Variants in TUT4 observed in about 807,000 individuals in gnomAD.
The protein encoded by TUT4 is terminal uridylyl transferase 4, also known as terminal uridylyltransferase 4.
Under a neutral mutation model 192.2 loss-of-function variants are expected in TUT4, and 36 were observed. The ratio of observed to expected loss-of-function variants is 0.19; its 90% confidence interval spans 0.14 to 0.25. TUT4 has a LOEUF of 0.25. Among genes scored for constraint, TUT4 ranks in the 10% least tolerant of loss-of-function variants. TUT4 has a pLI of 1.00. For missense variants in TUT4, 1,493 were observed against 1,957.2 expected, an observed-to-expected ratio of 0.76 and a Z score of 4.47; for synonymous variants, 618 against 666.0, an observed-to-expected ratio of 0.93 and a Z score of 1.11.
At chr1:52,493,802 G>T in intron 6 of TUT4, 140 bp from the exon 7 acceptor site, 15 of 532,464 alleles carry the variant, frequency 2.8e-5, no homozygotes, top group South Asian at 4.3e-5. Flanking sequence ...ACAGAATCGT[G>T]TTTTTTTTTT....
intron 15 of TUT4, among the ~76,000 whole-genome samples, chr1:52,466,175 T>C (rs1477213885): frequency 2.0e-5 from 3 of 152,178 alleles, no homozygotes; most frequent in Admixed American, 6.5e-5. Context: ...AAAGAAGCTA[T>C]ACTCATCAGC....
chr1:52,495,619 C>T (rs1283556587), intron 5 of TUT4, 104 bp from the exon 6 acceptor site: 2 of 676,872 alleles, frequency 3.0e-6, no homozygotes, highest in Non-Finnish European at 4.9e-6. Flanking sequence ...CTACGTCTTC[C>T]ATTTCTAGTA....
intron 11 of TUT4, among the ~76,000 whole-genome samples, chr1:52,479,217 A>AG (rs1166838727): frequency 6.6e-6 from 1 of 152,206 alleles, no homozygotes; most frequent in East Asian, 1.9e-4. Flanking sequence ...GAGGAAAGAA[A>AG]GCAAAGAGCC....
intron 16 of TUT4, chr1:52,462,528 G>A (rs1159152221): frequency 1.1e-5 from 2 of 177,172 alleles, no homozygotes; most frequent in Non-Finnish European, 2.2e-5. Context: ...TGACTAACCA[G>A]ATGTTTAACC....
At position 52,538,737 on chromosome 1, in the gene TUT4, C is replaced by A. The variant is rs1256479722; in HGVS notation, c.-93-12364G>T. 1.3e-5 allele frequency: 2 copies of A among 151,140 alleles called. 1 individual carries two copies. The highest frequency in any genetic ancestry group is 4.9e-5 in the African/African-American group (2 of 41,182). 9.4% of individuals were successfully genotyped at this position (151,140 alleles called of 1,614,324 possible). On this transcript the variant is annotated intron_variant, in intron 1 of 29. Coordinates refer to ENST00000257177, the MANE Select transcript of TUT4 (RefSeq NM_001009881.3). The stretch of plus-strand genomic sequence containing the variant: ...GAATGATCAAAGAATCCTATCATAT[C>A]TTTCCTTACTAATATTACTTCCCTG...
In TUT4 at chr1:52,463,428, C is replaced by T. The variant is rs1429930876; in HGVS notation, c.3069+1642G>A. ...GACACCAGAAGCAACTTCTTATGGC[C>T]AGAAGTTAAGTCATCACTGCCATCT... On this transcript the variant is annotated intron_variant, in intron 16 of 29. Coordinates refer to ENST00000257177, the MANE Select transcript of TUT4 (RefSeq NM_001009881.3). 2.9e-6 allele frequency: 3 copies of T among 1,017,388 alleles called. No individual in the cohort carries two copies. In the African/African-American group the frequency reaches 5.2e-5, roughly 18 times the overall value. 63.0% of individuals were successfully genotyped at this position (1,017,388 alleles called of 1,614,324 possible).
intron 20 of TUT4, among the ~76,000 whole-genome samples, chr1:52,454,286 G>C (rs1356770230): frequency 1.3e-5 from 2 of 152,104 alleles, no homozygotes; most frequent in Non-Finnish European, 2.9e-5. Context: ...TGAAGGAGAA[G>C]AACAAAGCTG....
intron 2 of TUT4, among the ~76,000 whole-genome samples, chr1:52,521,958 C>CT (rs1680402595): frequency 1.3e-5 from 2 of 151,946 alleles, no homozygotes; most frequent in African/African-American, 4.8e-5. Flanking sequence ...GAGCAAGACT[C>CT]TGTCTCCAAA....
intron 24 of TUT4, among the ~76,000 whole-genome samples, chr1:52,443,035 G>A (rs1353883385): frequency 2.6e-5 from 4 of 152,194 alleles, no homozygotes; most frequent in Admixed American, 1.3e-4. Context: ...TGTAATCCCA[G>A]CACTTTGGGA....
chr1:52,435,176 C>T (rs995829801), intron 27 of TUT4, 189 bp downstream of exon 27: 3 of 400,754 alleles, frequency 7.5e-6, no homozygotes, highest in African/African-American at 6.2e-5. Flanking sequence ...TCTCTGTAGA[C>T]AGAAACCCAG....
At chr1:52,480,029 A>C (rs997492356) in intron 11 of TUT4, among the ~76,000 whole-genome samples, 3 of 151,148 alleles carry the variant, frequency 2.0e-5, no homozygotes, top group Non-Finnish European at 2.9e-5. Context: ...AGACTATTAG[A>C]TATCTAAGTA....
intron 20 of TUT4, among the ~76,000 whole-genome samples, chr1:52,456,852 G>A (rs2148633126): frequency 6.6e-6 from 1 of 152,190 alleles, no homozygotes; most frequent in African/African-American, 2.4e-5. Flanking sequence ...AATGTTAATT[G>A]CAAACTATGG....
chr1:52,469,446 T>C (rs1022622339), intron 14 of TUT4, among the ~76,000 whole-genome samples: 1 of 152,140 alleles, frequency 6.6e-6, no homozygotes, highest in Non-Finnish European at 1.5e-5. Context: ...GCTATACATA[T>C]GTACTAAAAT....
Position 52,515,972 on chromosome 1 carries a change from A to G in TUT4, c.801T>C (p.Ser267=). Residue 267 remains serine (S), a synonymous_variant, in exon 3 of 30, where the codon TCT becomes TCC. Coordinates refer to ENST00000257177, the MANE Select transcript of TUT4 (RefSeq NM_001009881.3). The part of the protein sequence containing the change: ...YLENATVIDE[S]ALTPEQRLGL... ...CCAGCCTCTGCTCAGGTGTCAATGC[A>G]GATTCATCTATCACAGTGGCATTTT... 1 of 1,613,668 alleles carries G rather than the reference A, an allele frequency of 6.2e-7. No individual in the cohort carries two copies. The highest frequency in any genetic ancestry group is 8.5e-7 in the Non-Finnish European group (1 of 1,179,904).
rs754832132 is a variant in TUT4 at position 52,526,158 on chromosome 1, G to A, written c.123C>T (p.Ser41=). ...NQTLKARNDK[S]VKEIENSSPN... ...GAGAGCTGTTCTCAATTTCTTTTAC[G>A]GATTTATCATTTCTAGCTTTCAATG... The change falls in exon 2 of 30, where the codon TCC becomes TCT. Residue 41 remains serine (S), a synonymous_variant. Transcript: ENST00000257177. The A allele has an allele frequency of 9.3e-6, 15 of 1,611,588 alleles. No homozygotes were observed. Among genetic ancestry groups the A allele is most frequent in the East Asian group, 2.2e-5 (1 of 44,796 alleles).
At chr1:52,485,642 C>G (rs76811664) in intron 9 of TUT4, among the ~76,000 whole-genome samples, 3,220 of 151,832 alleles carry the variant, frequency 0.021, 107 homozygotes, top group African/African-American at 0.071. Flanking sequence ...TTAAAAGTTT[C>G]TGTTAGGGAG....
intron 5 of TUT4, 71 bp from the exon 6 acceptor site, chr1:52,495,586 G>A: frequency 8.5e-7 from 1 of 1,174,608 alleles, no homozygotes; most frequent in Non-Finnish European, 1.2e-6. Flanking sequence ...AACAGCGACG[G>A]GAAAATTTCA....
At chr1:52,493,249 A>G (rs1336674767) in intron 7 of TUT4, among the ~76,000 whole-genome samples, 1 of 151,968 alleles carries the variant, frequency 6.6e-6, no homozygotes, top group Admixed American at 6.6e-5. Context: ...ACGCCTGGCT[A>G]ATTTTGTGTT....
At chr1:52,510,055 T>C (rs1038335839) in intron 3 of TUT4, among the ~76,000 whole-genome samples, 1 of 152,124 alleles carries the variant, frequency 6.6e-6, no homozygotes, top group Non-Finnish European at 1.5e-5. Flanking sequence ...GCTATGCCTG[T>C]AATCCCAGCA....
Sources: gnomAD v4.1 joint callset for allele counts (sites outside exome capture counted in the v4.1 genomes callset) on GRCh38, gnomAD v4.1.1 for gene constraint, MANE v1.5 for transcripts, NCBI Gene and HGNC (gene_info 2026-07-23, HGNC 2026-07-21) for gene names.